ZRANB1: variants seen among roughly 807,000 people sequenced by gnomAD.
ZRANB1 encodes ubiquitin thioesterase ZRANB1.
A neutral mutation model predicts 80.5 loss-of-function variants in ZRANB1; 16 were observed. The observed-to-expected ratio is 0.20, with a 90% CI of 0.13 to 0.30. The LOEUF (loss-of-function observed/expected upper bound fraction) is 0.30. Among genes scored for constraint, ZRANB1 ranks in the 10% least tolerant of loss-of-function variants. The probability of loss-of-function intolerance (pLI) is 1.00; values close to 1 mark genes in which losing one functional copy is unlikely to be tolerated. For synonymous variants in ZRANB1, 291 were observed against 293.1 expected, an observed-to-expected ratio of 0.99 and a Z score of 0.07; for missense variants, 576 against 862.6, an observed-to-expected ratio of 0.67 and a Z score of 4.16.
At chr10:124,951,612 G>A (rs1359871353) in intron 1 of ZRANB1, among the ~76,000 whole-genome samples, 1 of 152,032 alleles carries the variant, frequency 6.6e-6, no homozygotes, top group East Asian at 1.9e-4. Context: ...CTTTCACAAG[G>A]ATATTTTATT....
chr10:124,918,481 G>A, the ZRANB1 span, among the ~76,000 whole-genome samples: 1 of 152,200 alleles, frequency 6.6e-6, no homozygotes, highest in African/African-American at 2.4e-5. Flanking sequence ...GTGCCACCGC[G>A]CTTGGCCTGA....
At position 124,985,843 on chromosome 10, in the gene ZRANB1, CCAT is replaced by C. The variant is rs1227635260; in HGVS notation, c.*854_*856del. ...TGTGTGAAATGTGCTCACTTGGACT[CCAT>C]CAACAATGTGCTGCTCCCAGATTGC... On this transcript the variant is annotated 3_prime_UTR_variant, in exon 9 of 9. Coordinates refer to ENST00000359653, the MANE Select transcript of ZRANB1 (RefSeq NM_017580.3). 6.6e-6 allele frequency: 1 copy of C among 152,220 alleles called. No homozygotes were observed. Among genetic ancestry groups the C allele is most frequent in the African/African-American group, 2.4e-5 (1 of 41,456 alleles). 9.4% of individuals were successfully genotyped at this position (152,220 alleles called of 1,614,324 possible).
At chr10:124,971,821 G>T in intron 2 of ZRANB1, 144 bp from the exon 3 acceptor site, 1 of 674,138 alleles carries the variant, frequency 1.5e-6, no homozygotes. Flanking sequence ...TACTTTCATT[G>T]GTAAGGAAAT....
chr10:124,981,279 A>G (rs1951930076), intron 5 of ZRANB1: 1 of 152,740 alleles, frequency 6.5e-6, no homozygotes, highest in Non-Finnish European at 1.5e-5. Context: ...TGATCTTGAT[A>G]CTATGAACAC....
At chr10:124,974,118 T>G (rs1951852899) in intron 4 of ZRANB1, 82 bp from the exon 5 acceptor site, 1 of 1,411,458 alleles carries the variant, frequency 7.1e-7, no homozygotes, top group East Asian at 2.3e-5. Context: ...ATTTTATAGC[T>G]AGAAAATAGG....
chr10:124,932,993 G>A, the ZRANB1 span, among the ~76,000 whole-genome samples: 1 of 151,952 alleles, frequency 6.6e-6, no homozygotes, highest in Non-Finnish European at 1.5e-5. Flanking sequence ...AGAGTTCTTC[G>A]TGTATTTTGG....
At chr10:124,948,007 G>C (rs950371634) in intron 1 of ZRANB1, among the ~76,000 whole-genome samples, 1 of 152,128 alleles carries the variant, frequency 6.6e-6, no homozygotes, top group African/African-American at 2.4e-5. Flanking sequence ...GCACACTTCA[G>C]CTTCCCTCCA....
chr10:124,947,119 G>A (rs1951592143), intron 1 of ZRANB1, among the ~76,000 whole-genome samples: 1 of 152,170 alleles, frequency 6.6e-6, no homozygotes, highest in Admixed American at 6.5e-5. Context: ...TAGCTGTTGG[G>A]TGTTAAGTTT....
the ZRANB1 span, among the ~76,000 whole-genome samples, chr10:124,922,321 TATATGTATATATATA>T: frequency 4.0e-4 from 8 of 19,898 alleles, no homozygotes; most frequent in Admixed American, 6.6e-4. Context: ...ATATGTAAAA[TATATGTATATATATA>T]TTTTTTTTTT....
chr10:124,922,336 A>ATATTT, the ZRANB1 span, among the ~76,000 whole-genome samples: 5 of 44,770 alleles, frequency 1.1e-4, no homozygotes, highest in Non-Finnish European at 1.7e-4. Context: ...GTATATATAT[A>ATATTT]TTTTTTTTTT....
chr10:124,974,952 CATG>C (rs2133988074), intron 5 of ZRANB1, among the ~76,000 whole-genome samples: 1 of 152,300 alleles, frequency 6.6e-6, no homozygotes, highest in East Asian at 1.9e-4. Context: ...TGCTCATCAC[CATG>C]CCTGGCTGTT....
intron 1 of ZRANB1, among the ~76,000 whole-genome samples, chr10:124,952,416 A>G (rs993741404): frequency 6.6e-6 from 1 of 152,168 alleles, no homozygotes; most frequent in Non-Finnish European, 1.5e-5. Context: ...AGAAAAGGCA[A>G]GGCTTTTCTA....
Position 124,964,814 on chromosome 10 carries a change from A to G in ZRANB1, c.815-1780A>G, listed in dbSNP as rs768830494. ...AGGGCTTTGATAGGTCTGAAGGGAA[A>G]GGTCGTTGCCTTCATACAGAAATGC... On this transcript the variant is annotated intron_variant, in intron 1 of 8. Coordinates refer to ENST00000359653, the MANE Select transcript of ZRANB1 (RefSeq NM_017580.3). 3.6e-4 allele frequency among the ~76,000 whole-genome samples: 55 copies of G among 152,354 alleles called. No homozygotes were observed. The Middle Eastern group carries it at 0.01, about 28-fold the overall frequency.
intron 3 of ZRANB1, among the ~76,000 whole-genome samples, chr10:124,972,711 C>G (rs1047006006): frequency 5.9e-5 from 9 of 151,990 alleles, no homozygotes; most frequent in African/African-American, 2.2e-4. Flanking sequence ...TGAATAAATA[C>G]ACCAAACACC....
At chr10:124,954,446 G>GTTTTT (rs1227693538) in intron 1 of ZRANB1, among the ~76,000 whole-genome samples, 1 of 123,644 alleles carries the variant, frequency 8.1e-6, no homozygotes, top group African/African-American at 3.0e-5. Flanking sequence ...TACATTAAAA[G>GTTTTT]TTTTTTTTTT....
At chr10:124,961,255 C>G (rs1413002194) in intron 1 of ZRANB1, among the ~76,000 whole-genome samples, 2 of 152,176 alleles carry the variant, frequency 1.3e-5, no homozygotes, top group Non-Finnish European at 2.9e-5. Context: ...TTCCACCCAC[C>G]TCGGCCTCCC....
intron 1 of ZRANB1, among the ~76,000 whole-genome samples, chr10:124,948,591 C>G (rs574113209): frequency 4.9e-4 from 74 of 151,848 alleles, no homozygotes; most frequent in African/African-American, 1.7e-3. Context: ...TCCACCTTCG[C>G]TTCTTTTCTC....
rs1036823631 is a variant in ZRANB1, at chr10:124,985,636, G to A, written c.*644G>A. ...ACATTGCTTACTTGTTTTGAAGAGG[G>A]TTTTGGTTTTGGTTATTGTGTCTTT... is the stretch of plus-strand genomic sequence containing the variant. On this transcript the variant is annotated 3_prime_UTR_variant, in exon 9 of 9. Transcript: ENST00000359653. 4 of 126,764 alleles carry A rather than the reference G, an allele frequency of 3.2e-5. No homozygotes were observed. The highest frequency in any genetic ancestry group is 1.1e-4 in the African/African-American group (4 of 36,466). The allele number at this position is 126,764 out of a possible 1,614,324, so 7.9% of individuals were successfully genotyped here.
chr10:124,926,897 C>G, the ZRANB1 span, among the ~76,000 whole-genome samples: 2 of 152,168 alleles, frequency 1.3e-5, no homozygotes, highest in Non-Finnish European at 2.9e-5. Context: ...ATGGGGACTA[C>G]TGTCACATAT....
Sources: gnomAD v4.1 joint callset for allele counts (sites outside exome capture counted in the v4.1 genomes callset) on GRCh38, gnomAD v4.1.1 for gene constraint, MANE v1.5 for transcripts, NCBI Gene and HGNC (gene_info 2026-07-23, HGNC 2026-07-21) for gene names.